Variants in LMBR1 observed in about 807,000 individuals in gnomAD.
LMBR1 encodes the protein limb development membrane protein 1.
A neutral mutation model predicts 73.9 loss-of-function variants in LMBR1; 52 were observed. That is an observed-to-expected ratio of 0.70 (90% confidence interval 0.56 to 0.89). LMBR1 has a LOEUF of 0.89. Ranked by LOEUF, LMBR1 falls within the 40% of genes least tolerant of loss-of-function variation. The pLI is 0.00. For synonymous variants in LMBR1, 215 were observed against 209.4 expected (o/e 1.03, Z -0.23); for missense variants, 539 against 579.8 (o/e 0.93, Z 0.72).
intron 4 of LMBR1, chr7:156,823,320 T>C (rs1835103427): frequency 6.6e-6 from 1 of 152,090 alleles, no homozygotes; most frequent in South Asian, 2.1e-4. Context: ...AGTTTATGGC[T>C]AAAAACAAGA....
chr7:156,733,240 AT>A (rs1817203627), intron 10 of LMBR1, among the ~76,000 whole-genome samples: 1 of 152,220 alleles, frequency 6.6e-6, no homozygotes, highest in Non-Finnish European at 1.5e-5. Context: ...CAAAATACCT[AT>A]TTTCTAATCA....
intron 1 of LMBR1, among the ~76,000 whole-genome samples, chr7:156,874,725 C>A (rs1326269924): frequency 1.3e-5 from 2 of 152,164 alleles, no homozygotes; most frequent in African/African-American, 4.8e-5. Flanking sequence ...CCTCAGGAAG[C>A]CACATCCTTA....
chr7:156,768,440 TAAG>T (rs1001839951), intron 5 of LMBR1, among the ~76,000 whole-genome samples: 17 of 152,186 alleles, frequency 1.1e-4, no homozygotes, highest in African/African-American at 4.1e-4. Context: ...GCAAATTTGA[TAAG>T]AAATTCATTT....
intron 5 of LMBR1, among the ~76,000 whole-genome samples, chr7:156,787,086 G>C (rs1399776629): frequency 6.6e-6 from 1 of 152,128 alleles, no homozygotes; most frequent in African/African-American, 2.4e-5. Context: ...CCAGAGCTAA[G>C]GCTGACAGTC....
intron 1 of LMBR1, among the ~76,000 whole-genome samples, chr7:156,888,237 C>T (rs1312701776): frequency 6.6e-6 from 1 of 151,588 alleles, no homozygotes; most frequent in Non-Finnish European, 1.5e-5. Context: ...GGTGAAACCC[C>T]GTCTCTACTA....
intron 1 of LMBR1, among the ~76,000 whole-genome samples, chr7:156,847,385 T>C (rs747330598): frequency 6.6e-6 from 1 of 152,184 alleles, no homozygotes; most frequent in Non-Finnish European, 1.5e-5. Context: ...GTTTGGGGAT[T>C]GCTTTTTAGA....
intron 1 of LMBR1, among the ~76,000 whole-genome samples, chr7:156,877,109 C>T (rs961011412): frequency 3.3e-5 from 5 of 151,812 alleles, no homozygotes; most frequent in African/African-American, 7.3e-5. Context: ...AGAGAGGATT[C>T]GAGGCTATTA....
intron 4 of LMBR1, 69 bp from the exon 5 acceptor site, chr7:156,796,561 C>A: frequency 2.1e-6 from 2 of 967,400 alleles, no homozygotes; most frequent in East Asian, 2.9e-5. Flanking sequence ...TAATCAAGAT[C>A]TATACTTTTA....
intron 1 of LMBR1, among the ~76,000 whole-genome samples, chr7:156,864,942 G>C (rs1798239963): frequency 6.7e-6 from 1 of 150,370 alleles, no homozygotes; most frequent in South Asian, 2.1e-4. Context: ...GTTGCAGTGA[G>C]CCGAGGTCGC....
chr7:156,809,447 T>C (rs533939139), intron 4 of LMBR1, among the ~76,000 whole-genome samples: 1 of 152,234 alleles, frequency 6.6e-6, no homozygotes, highest in Admixed American at 6.5e-5. Flanking sequence ...TAAAATGGCA[T>C]GGTATTTGCA....
chr7:156,852,471 T>C (rs1796365570), intron 1 of LMBR1, among the ~76,000 whole-genome samples: 2 of 152,222 alleles, frequency 1.3e-5, no homozygotes, highest in African/African-American at 2.4e-5. Flanking sequence ...ATCTGATGCA[T>C]GCATTAGATT....
chr7:156,889,179 T>C (rs999467350), intron 1 of LMBR1, among the ~76,000 whole-genome samples: 1 of 152,140 alleles, frequency 6.6e-6, no homozygotes, highest in Non-Finnish European at 1.5e-5. Flanking sequence ...CAACTGGGAA[T>C]AGTCAGATTC....
At chr7:156,812,152 T>C (rs1197263172) in intron 4 of LMBR1, among the ~76,000 whole-genome samples, 1 of 152,090 alleles carries the variant, frequency 6.6e-6, no homozygotes, top group Non-Finnish European at 1.5e-5. Flanking sequence ...GAACCTGAAT[T>C]TTGGGGGAAC....
intron 1 of LMBR1, among the ~76,000 whole-genome samples, chr7:156,886,562 T>C (rs1801939169): frequency 1.3e-5 from 2 of 152,222 alleles, no homozygotes; most frequent in Non-Finnish European, 2.9e-5. Flanking sequence ...CAGGAGAAAG[T>C]TACTGAAATC....
At chr7:156,853,178 T>A (rs930253978) in intron 1 of LMBR1, among the ~76,000 whole-genome samples, 9 of 152,108 alleles carry the variant, frequency 5.9e-5, no homozygotes, top group African/African-American at 2.2e-4. Flanking sequence ...GACCTCATGA[T>A]CTGCCCGCCT....
chr7:156,788,333 G>C (rs1828532013), intron 5 of LMBR1, among the ~76,000 whole-genome samples: 2 of 152,118 alleles, frequency 1.3e-5, no homozygotes, highest in Non-Finnish European at 2.9e-5. Context: ...AACTTGGACA[G>C]AACTTTACTA....
intron 4 of LMBR1, among the ~76,000 whole-genome samples, chr7:156,812,317 C>G (rs536685027): frequency 2.8e-4 from 42 of 149,918 alleles, no homozygotes; most frequent in Admixed American, 8.6e-4. Flanking sequence ...TTTAAACACA[C>G]AGAGAGAGAG....
At chr7:156,822,263 G>C (rs575461528) in intron 4 of LMBR1, 36 of 152,308 alleles carry the variant, frequency 2.4e-4, no homozygotes, top group African/African-American at 8.7e-4. Context: ...CCAGGCAATA[G>C]ACTAGGTACT....
intron 9 of LMBR1, among the ~76,000 whole-genome samples, chr7:156,738,141 T>C (rs1011456040): frequency 2.6e-5 from 4 of 151,964 alleles, no homozygotes; most frequent in African/African-American, 9.7e-5. Flanking sequence ...GCAGCGGCCG[T>C]GTAGTGTGGA....
Sources: gnomAD v4.1 joint callset for allele counts (sites outside exome capture counted in the v4.1 genomes callset) on GRCh38, gnomAD v4.1.1 for gene constraint, MANE v1.5 for transcripts, NCBI Gene and HGNC (gene_info 2026-07-23, HGNC 2026-07-21) for gene names.